Variants in ASTN2 observed in about 807,000 individuals in gnomAD.
ASTN2 encodes the protein astrotactin-2.
In ASTN2, 54 loss-of-function variants were observed where a neutral mutation model predicts 139.8. The ratio of observed to expected loss-of-function variants is 0.39; its 90% CI spans 0.31 to 0.48. The LOEUF (loss-of-function observed/expected upper bound fraction) is 0.48, where lower values mean the gene tolerates loss of function less well. ASTN2 is among the 20% of genes least tolerant of loss of function. ASTN2 has a pLI of 0.95. For synonymous variants in ASTN2, 756 were observed against 719.5 expected (o/e 1.05, Z -0.81); for missense variants, 1,565 against 1,725.1 (o/e 0.91, Z 1.64).
chr9:116,462,988 TC>T (rs1848538539), intron 20 of ASTN2, among the ~76,000 whole-genome samples: 1 of 152,194 alleles, frequency 6.6e-6, no homozygotes, highest in African/African-American at 2.4e-5. Flanking sequence ...CCTGTCATCC[TC>T]CCCATCATGG....
chr9:116,866,847 C>T (rs548207616), intron 10 of ASTN2, among the ~76,000 whole-genome samples: 3 of 135,698 alleles, frequency 2.2e-5, no homozygotes, highest in Admixed American at 8.2e-5. Context: ...GAGCCGAGAT[C>T]GTGCCACGGC....
At chr9:117,096,402 TTCTG>T (rs1459758674) in intron 4 of ASTN2, among the ~76,000 whole-genome samples, 4 of 152,240 alleles carry the variant, frequency 2.6e-5, no homozygotes, top group African/African-American at 7.2e-5. Flanking sequence ...GAGCCCTGGG[TTCTG>T]TCTCTCTAAA....
chr9:116,533,523 C>G (rs1183829386), intron 19 of ASTN2, among the ~76,000 whole-genome samples: 2 of 152,114 alleles, frequency 1.3e-5, no homozygotes, highest in African/African-American at 4.8e-5. Flanking sequence ...TTATTATTTT[C>G]AGAAATGTCC....
chr9:117,388,862 C>G (rs1830471470), intron 1 of ASTN2, among the ~76,000 whole-genome samples: 2 of 152,202 alleles, frequency 1.3e-5, no homozygotes, highest in Admixed American at 6.5e-5. Flanking sequence ...CACAGGCTAT[C>G]TTGCCCTTGG....
chr9:116,703,071 T>A (rs1403256567), intron 16 of ASTN2, among the ~76,000 whole-genome samples: 5 of 151,800 alleles, frequency 3.3e-5, no homozygotes, highest in Non-Finnish European at 7.4e-5. Context: ...TCCACAATGG[T>A]TGAACTAGTT....
Position 117,120,018 on chromosome 9 carries a change from G to GTGTATA in ASTN2, c.1168+21307_1168+21308insTATACA, listed in dbSNP as rs1306397698. ...TGTGTGTGTGTGTGTGTGTGTGTGT[G>GTGTATA]TATATATATATATATATATATATAT... On this transcript the variant is annotated intron_variant, in intron 4 of 22. Transcript: ENST00000313400. Among the ~76,000 whole-genome samples the GTGTATA allele has an allele frequency of 1.1e-3, 49 of 45,994 alleles. 1 individual carries two copies. In the South Asian group the frequency reaches 0.015, roughly 14 times the overall value. 30.2% of individuals were successfully genotyped at this position (45,994 alleles called of 152,430 possible). A position where few individuals can be genotyped will look rare whatever the true frequency, so the allele number is the denominator to read the frequency against.
intron 7 of ASTN2, among the ~76,000 whole-genome samples, chr9:116,978,866 T>C (rs1836431594): frequency 1.3e-5 from 2 of 152,150 alleles, no homozygotes; most frequent in South Asian, 4.1e-4. Flanking sequence ...AACAACCTCA[T>C]GCTATTTGCA....
At chr9:116,945,808 A>T (rs1482884840) in intron 10 of ASTN2, among the ~76,000 whole-genome samples, 1 of 152,082 alleles carries the variant, frequency 6.6e-6, no homozygotes, top group African/African-American at 2.4e-5. Flanking sequence ...CCTTCAACTT[A>T]CCCCATCCCA....
At chr9:117,142,260 C>A (rs574469739) in intron 3 of ASTN2, among the ~76,000 whole-genome samples, 1 of 152,236 alleles carries the variant, frequency 6.6e-6, no homozygotes, top group South Asian at 2.1e-4. Context: ...CAAATTAAAT[C>A]ACTTTGAAAA....
rs181076125 is a variant in ASTN2, at chr9:116,752,301, G to A, written c.2397-18778C>T. On this transcript the variant is annotated intron_variant, in intron 13 of 22. Transcript: ENST00000313400. ...AAACAAATAGACATCCATGTGCCAAGTAAAAAGAAGGGATGAAGAAAAGAA... is the reference window on the plus strand; with the variant it reads ...AAACAAATAGACATCCATGTGCCAAATAAAAAGAAGGGATGAAGAAAAGAA... Among the ~76,000 whole-genome samples the A allele has an allele frequency of 2.6e-5, 4 of 152,194 alleles. No individual in the cohort carries two copies. The East Asian group carries it at 7.7e-4, about 29-fold the overall frequency.
intron 3 of ASTN2, among the ~76,000 whole-genome samples, chr9:117,204,567 G>A (rs1361815396): frequency 6.6e-6 from 1 of 152,206 alleles, no homozygotes; most frequent in Non-Finnish European, 1.5e-5. Context: ...GAAGTGGTCA[G>A]TTCAAAGTAA....
chr9:116,690,711 C>G (rs942628349), intron 16 of ASTN2, among the ~76,000 whole-genome samples: 13 of 152,136 alleles, frequency 8.5e-5, no homozygotes, highest in Admixed American at 8.5e-4. Flanking sequence ...AATCCTTGCT[C>G]TATTACTTAT....
chr9:116,610,475 G>A (rs1159713179), intron 19 of ASTN2, among the ~76,000 whole-genome samples: 2 of 152,090 alleles, frequency 1.3e-5, no homozygotes, highest in East Asian at 3.9e-4. Flanking sequence ...GTGGTGGCGG[G>A]TGCCTGTAAT....
At chr9:116,972,844 T>A (rs931562822) in intron 10 of ASTN2, among the ~76,000 whole-genome samples, 1 of 152,182 alleles carries the variant, frequency 6.6e-6, no homozygotes, top group Non-Finnish European at 1.5e-5. Flanking sequence ...ATGCTTACCT[T>A]CCGTTTCCCT....
At chr9:116,881,140 G>A (rs971057664) in intron 10 of ASTN2, among the ~76,000 whole-genome samples, 2 of 152,170 alleles carry the variant, frequency 1.3e-5, no homozygotes, top group Admixed American at 1.3e-4. Flanking sequence ...AGAGGAGGAG[G>A]AGGAAGGTGT....
At chr9:117,260,276 T>G (rs945009906) in intron 2 of ASTN2, among the ~76,000 whole-genome samples, 7 of 152,212 alleles carry the variant, frequency 4.6e-5, no homozygotes, top group African/African-American at 1.7e-4. Flanking sequence ...TTGAGCAATC[T>G]GTCATGTGAA....
At chr9:116,854,942 G>A (rs757612028) in intron 11 of ASTN2, among the ~76,000 whole-genome samples, 20 of 151,388 alleles carry the variant, frequency 1.3e-4, no homozygotes, top group South Asian at 2.1e-4. Flanking sequence ...TTGAGCCACC[G>A]CGCCCGGCCT....
chr9:117,229,701 C>T (rs1357206884), intron 2 of ASTN2, among the ~76,000 whole-genome samples: 2 of 152,144 alleles, frequency 1.3e-5, no homozygotes, highest in Non-Finnish European at 2.9e-5. Context: ...CAACCCATAT[C>T]GGTGAGGGGT....
intron 17 of ASTN2, among the ~76,000 whole-genome samples, chr9:116,647,861 G>T (rs2033443948): frequency 6.6e-6 from 1 of 152,178 alleles, no homozygotes; most frequent in African/African-American, 2.4e-5. Context: ...TACCCAGGTT[G>T]AAGTGCAGTG....
Sources: allele counts gnomAD v4.1 joint callset (sites outside exome capture counted in the v4.1 genomes callset), GRCh38; gene constraint gnomAD v4.1.1; transcripts MANE v1.5; gene names NCBI Gene and HGNC (gene_info 2026-07-23, HGNC 2026-07-21).